LRMDA: variants seen among roughly 807,000 people sequenced by gnomAD.
The protein encoded by LRMDA is leucine rich melanocyte differentiation associated, also known as leucine-rich melanocyte differentiation-associated protein.
A neutral mutation model predicts 29.8 loss-of-function variants in LRMDA; 18 were observed. The ratio of observed to expected loss-of-function variants is 0.60; its 90% CI spans 0.42 to 0.90. The LOEUF (loss-of-function observed/expected upper bound fraction) is 0.90. Ranked by LOEUF, LRMDA falls within the 40% of genes least tolerant of loss-of-function variation. The pLI is 0.00. For missense variants in LRMDA, 273 were observed against 273.9 expected, an observed-to-expected ratio of 1.00 and a Z score of 0.02; for synonymous variants, 125 against 109.4, an observed-to-expected ratio of 1.14 and a Z score of -0.89.
At chr10:76,392,021 T>C (rs1313352307) in intron 6 of LRMDA, among the ~76,000 whole-genome samples, 1 of 152,206 alleles carries the variant, frequency 6.6e-6, no homozygotes, top group South Asian at 2.1e-4. Context: ...TGGAATAGTG[T>C]CTGATTGCTG....
chr10:75,858,824 T>C (rs1029910637), intron 2 of LRMDA, among the ~76,000 whole-genome samples: 2 of 152,244 alleles, frequency 1.3e-5, no homozygotes, highest in African/African-American at 2.4e-5. Flanking sequence ...CTCAGTTCTT[T>C]TTGGCTGCTC....
At chr10:75,690,825 T>C (rs1473325662) in intron 2 of LRMDA, among the ~76,000 whole-genome samples, 1 of 150,836 alleles carries the variant, frequency 6.6e-6, no homozygotes, top group Non-Finnish European at 1.5e-5. Context: ...AATAAAAAAA[T>C]AGCTGAGCAT....
chr10:76,010,072 GT>G (rs1360389469), intron 2 of LRMDA, among the ~76,000 whole-genome samples: 3 of 152,090 alleles, frequency 2.0e-5, no homozygotes, highest in Non-Finnish European at 2.9e-5. Flanking sequence ...CCCCCTGAAG[GT>G]GGCCGCCTTT....
rs576184865 is a variant in LRMDA, at chr10:76,052,114, T to A, written c.398+4811T>A. Among the ~76,000 whole-genome samples, 3 of 152,292 alleles carry A rather than the reference T, an allele frequency of 2.0e-5. No homozygotes were observed. In the East Asian group the frequency reaches 5.8e-4, roughly 29 times the overall value. ...TGAAAGATTGAGAATGGCTCACAGA[T>A]CACCCACTGCTGCCTTCAGGGGTCT... On this transcript the variant is annotated intron_variant, in intron 4 of 6. Transcript: ENST00000611255.
At chr10:75,967,269 T>C (rs1345934838) in intron 2 of LRMDA, among the ~76,000 whole-genome samples, 1 of 152,232 alleles carries the variant, frequency 6.6e-6, no homozygotes, top group African/African-American at 2.4e-5. Flanking sequence ...TATTCTTTAA[T>C]TACATAGCAT....
chr10:76,146,061 T>A (rs1449552833), intron 5 of LRMDA, among the ~76,000 whole-genome samples: 9 of 152,010 alleles, frequency 5.9e-5, no homozygotes, highest in African/African-American at 1.5e-4. Context: ...AGAGACAGTT[T>A]GTTATAATTT....
At chr10:75,893,019 G>T (rs1845520116) in intron 2 of LRMDA, among the ~76,000 whole-genome samples, 1 of 152,176 alleles carries the variant, frequency 6.6e-6, no homozygotes, top group Non-Finnish European at 1.5e-5. Flanking sequence ...TGCATCTCAA[G>T]ATAGCCAATT....
At chr10:76,084,571 T>C (rs1383801487) in intron 5 of LRMDA, among the ~76,000 whole-genome samples, 1 of 151,964 alleles carries the variant, frequency 6.6e-6, no homozygotes, top group Non-Finnish European at 1.5e-5. Context: ...TTTTCAATCA[T>C]TGTGACCTTT....
rs531217982 is a variant in LRMDA, at chr10:76,487,502, C to A, written c.602-69707C>A. 7.8e-4 allele frequency among the ~76,000 whole-genome samples: 118 copies of A among 151,704 alleles called. 1 individual carries two copies. The highest frequency in any genetic ancestry group is 1.5e-3 in the Non-Finnish European group (103 of 67,846). ...TTGGATGCATGTGAGAATGATGATA[C>A]CATAATAAGATAAGGGAATGTCAAA... On this transcript the variant is annotated intron_variant, in intron 6 of 6. Coordinates refer to ENST00000611255, the MANE Select transcript of LRMDA (RefSeq NM_001305581.2).
At chr10:76,099,070 G>C (rs1849357115) in intron 5 of LRMDA, among the ~76,000 whole-genome samples, 1 of 152,156 alleles carries the variant, frequency 6.6e-6, no homozygotes, top group South Asian at 2.1e-4. Context: ...AGCAATTTTG[G>C]GAGGGTCAGA....
intron 6 of LRMDA, among the ~76,000 whole-genome samples, chr10:76,383,059 C>T (rs905184534): frequency 6.6e-6 from 1 of 152,200 alleles, no homozygotes; most frequent in Middle Eastern, 3.2e-3. Flanking sequence ...GCAGAATTCT[C>T]AAGCTACATG....
chr10:75,579,353 C>G (rs1196170649), intron 2 of LRMDA, among the ~76,000 whole-genome samples: 1 of 152,040 alleles, frequency 6.6e-6, no homozygotes, highest in East Asian at 1.9e-4. Context: ...ACACATACAC[C>G]CTCCCAAGAC....
rs182667445 is a variant in LRMDA, at chr10:76,043,502, G to A, written c.259-3662G>A. On this transcript the variant is annotated intron_variant, in intron 3 of 6. Coordinates refer to ENST00000611255, the MANE Select transcript of LRMDA (RefSeq NM_001305581.2). ...AATGTGGTAGAAGTCCTAGTGGAGC[G>A]AGACAGTGATCTCCACAGATTATAG... Among the ~76,000 whole-genome samples the A allele has an allele frequency of 1.2e-4, 18 of 151,770 alleles. No homozygotes were observed. In the East Asian group the frequency reaches 1.7e-3, roughly 15 times the overall value.
chr10:76,536,427 A>C (rs941942208), intron 6 of LRMDA, among the ~76,000 whole-genome samples: 11 of 151,714 alleles, frequency 7.3e-5, no homozygotes, highest in African/African-American at 2.7e-4. Flanking sequence ...GTGTCACATC[A>C]CTGGGGTCTC....
intron 5 of LRMDA, among the ~76,000 whole-genome samples, chr10:76,122,336 T>C (rs1020806257): frequency 2.6e-5 from 4 of 151,842 alleles, no homozygotes; most frequent in Non-Finnish European, 4.4e-5. Context: ...CCAGCAGCCC[T>C]TTTAAACCCA....
chr10:76,503,320 A>G (rs1364380765), intron 6 of LRMDA, among the ~76,000 whole-genome samples: 1 of 151,646 alleles, frequency 6.6e-6, no homozygotes, highest in East Asian at 1.9e-4. Context: ...GAGCCTACGG[A>G]CTGGCGCTGA....
In LRMDA at chr10:76,516,883, A is replaced by G. The variant is rs919676636; in HGVS notation, c.602-40326A>G. On this transcript the variant is annotated intron_variant, in intron 6 of 6. Coordinates refer to ENST00000611255, the MANE Select transcript of LRMDA (RefSeq NM_001305581.2). ...AGTAATGGGATGGCTGGGTCAAATG[A>G]TATTTCTAGTCCTTTTTAACAAGTA... 3.9e-5 allele frequency among the ~76,000 whole-genome samples: 6 copies of G among 152,148 alleles called. No individual in the cohort carries two copies. In the South Asian group the frequency reaches 6.2e-4, roughly 16 times the overall value.
chr10:75,809,500 A>G (rs1042257006), intron 2 of LRMDA, among the ~76,000 whole-genome samples: 2 of 152,102 alleles, frequency 1.3e-5, no homozygotes, highest in Non-Finnish European at 2.9e-5. Flanking sequence ...AAAATTAGCC[A>G]GGCGTGGTGG....
chr10:75,731,161 T>C (rs879555104), intron 2 of LRMDA, among the ~76,000 whole-genome samples: 6 of 152,224 alleles, frequency 3.9e-5, no homozygotes, highest in Non-Finnish European at 5.9e-5. Context: ...AGCTAGAGAT[T>C]TTGGATTAAG....
Sources: gnomAD v4.1 joint callset for allele counts (sites outside exome capture counted in the v4.1 genomes callset) on GRCh38, gnomAD v4.1.1 for gene constraint, MANE v1.5 for transcripts, NCBI Gene and HGNC (gene_info 2026-07-23, HGNC 2026-07-21) for gene names.